Variants in PITPNC1 observed in about 807,000 individuals in gnomAD.
PITPNC1 encodes the protein phosphatidylinositol transfer protein cytoplasmic 1.
PITPNC1 carries 18 observed loss-of-function variants against 44.7 expected under a neutral mutation model. The observed-to-expected ratio is 0.40, with a 90% CI of 0.28 to 0.60. PITPNC1 has a LOEUF of 0.60. PITPNC1 is among the 20% of genes least tolerant of loss of function. PITPNC1 has a pLI of 0.39. For synonymous variants in PITPNC1, 141 were observed against 149.6 expected (o/e 0.94, Z 0.42); for missense variants, 290 against 418.4 (o/e 0.69, Z 2.68).
chr17:67,428,677 A>G (rs1296782675), intron 1 of PITPNC1, among the ~76,000 whole-genome samples: 1 of 152,174 alleles, frequency 6.6e-6, no homozygotes, highest in Non-Finnish European at 1.5e-5. Flanking sequence ...AATAATGAAT[A>G]TGTACTACTC....
chr17:67,433,335 C>T (rs988086795), intron 1 of PITPNC1, among the ~76,000 whole-genome samples: 39 of 152,106 alleles, frequency 2.6e-4, no homozygotes, highest in Non-Finnish European at 4.7e-4. Context: ...CCTGGGCGGG[C>T]GGGTAAGGCT....
intron 5 of PITPNC1, among the ~76,000 whole-genome samples, chr17:67,595,101 T>C (rs1012925418): frequency 6.6e-6 from 1 of 152,234 alleles, no homozygotes; most frequent in African/African-American, 2.4e-5. Context: ...CAGCATGATA[T>C]CTCCTTTTGC....
intron 1 of PITPNC1, among the ~76,000 whole-genome samples, chr17:67,409,987 G>A (rs541391741): frequency 1.2e-4 from 18 of 152,290 alleles, no homozygotes; most frequent in South Asian, 2.1e-4. Context: ...TTGAACGTGC[G>A]TGCGTGAGTT....
chr17:67,569,480 G>T (rs1283246496), intron 4 of PITPNC1, among the ~76,000 whole-genome samples: 1 of 152,186 alleles, frequency 6.6e-6, no homozygotes, highest in Admixed American at 6.5e-5. Flanking sequence ...ACAAGTAGCT[G>T]CATTTAAATG....
At chr17:67,431,422 G>C (rs1438735846) in intron 1 of PITPNC1, among the ~76,000 whole-genome samples, 1 of 152,040 alleles carries the variant, frequency 6.6e-6, no homozygotes, top group African/African-American at 2.4e-5. Flanking sequence ...TTACCGCTGA[G>C]TCAGCCTCTG....
At chr17:67,530,797 A>G (rs1428111783) in intron 1 of PITPNC1, among the ~76,000 whole-genome samples, 2 of 152,194 alleles carry the variant, frequency 1.3e-5, no homozygotes, top group African/African-American at 4.8e-5. Flanking sequence ...TGGCATATTG[A>G]TCTCACAGGT....
At chr17:67,395,470 A>G (rs1044717278) in intron 1 of PITPNC1, among the ~76,000 whole-genome samples, 1 of 150,690 alleles carries the variant, frequency 6.6e-6, no homozygotes, top group Non-Finnish European at 1.5e-5. Flanking sequence ...TTTTGAAAAC[A>G]GGGGTTATCA....
chr17:67,632,947 A>C (rs1057049466), intron 6 of PITPNC1, among the ~76,000 whole-genome samples: 1 of 152,182 alleles, frequency 6.6e-6, no homozygotes, highest in East Asian at 1.9e-4. Flanking sequence ...AAGCACCTTA[A>C]TGAGGACATC....
intron 5 of PITPNC1, among the ~76,000 whole-genome samples, chr17:67,606,559 G>A (rs977473315): frequency 6.6e-6 from 1 of 152,366 alleles, no homozygotes; most frequent in South Asian, 2.1e-4. Context: ...GAGGCGTAAA[G>A]TGAGGACCCT....
chr17:67,450,144 A>G (rs1309311436), intron 1 of PITPNC1, among the ~76,000 whole-genome samples: 2 of 152,238 alleles, frequency 1.3e-5, no homozygotes, highest in African/African-American at 4.8e-5. Context: ...GTTTGCTCTT[A>G]TGATTTAGAA....
chr17:67,456,734 G>A (rs1489365473), intron 1 of PITPNC1, among the ~76,000 whole-genome samples: 1 of 151,968 alleles, frequency 6.6e-6, no homozygotes, highest in African/African-American at 2.4e-5. Flanking sequence ...AGCCCAAACT[G>A]TATATATTTT....
chr17:67,640,844 G>C (rs747700704), intron 6 of PITPNC1, among the ~76,000 whole-genome samples: 24 of 151,980 alleles, frequency 1.6e-4, no homozygotes, highest in Middle Eastern at 6.8e-3. Context: ...CAAAAAATTA[G>C]CCGGGTGTGG....
chr17:67,469,618 C>T (rs1422490830), intron 1 of PITPNC1, among the ~76,000 whole-genome samples: 2 of 152,104 alleles, frequency 1.3e-5, no homozygotes, highest in Non-Finnish European at 2.9e-5. Flanking sequence ...AGTTCAGGTG[C>T]GGGTCATCAG....
chr17:67,442,782 A>C (rs1452809429), intron 1 of PITPNC1, among the ~76,000 whole-genome samples: 3 of 151,890 alleles, frequency 2.0e-5, no homozygotes, highest in African/African-American at 7.2e-5. Context: ...TTGAACCAGG[A>C]GACGAAGGGT....
chr17:67,655,752 A>G (rs1226174448), intron 6 of PITPNC1, among the ~76,000 whole-genome samples: 1 of 151,940 alleles, frequency 6.6e-6, no homozygotes, highest in Non-Finnish European at 1.5e-5. Flanking sequence ...TGGGCAACAT[A>G]ATGAGACCTC....
At chr17:67,429,261 A>G (rs2038820545) in intron 1 of PITPNC1, among the ~76,000 whole-genome samples, 1 of 152,252 alleles carries the variant, frequency 6.6e-6, no homozygotes, top group African/African-American at 2.4e-5. Flanking sequence ...AAATGATTTC[A>G]TGAACCACTG....
chr17:67,530,456 C>G (rs2364390), intron 1 of PITPNC1, among the ~76,000 whole-genome samples: 82,795 of 151,802 alleles, frequency 0.55, 23,094 homozygotes, highest in East Asian at 0.75. Flanking sequence ...TGCCTGTGTC[C>G]CTGTCTAAGT....
intron 1 of PITPNC1, among the ~76,000 whole-genome samples, chr17:67,465,904 C>G (rs1330279565): frequency 6.6e-6 from 1 of 151,700 alleles, no homozygotes; most frequent in Non-Finnish European, 1.5e-5. Context: ...GATGGTAGGG[C>G]GGGGGTAAAT....
intron 5 of PITPNC1, among the ~76,000 whole-genome samples, chr17:67,618,230 T>C (rs1293166933): frequency 6.6e-6 from 1 of 151,864 alleles, no homozygotes; most frequent in Non-Finnish European, 1.5e-5. Context: ...CTGGGCGTGA[T>C]GGTGCACACC....
Sources: allele counts gnomAD v4.1 joint callset (sites outside exome capture counted in the v4.1 genomes callset), GRCh38; gene constraint gnomAD v4.1.1; transcripts MANE v1.5; gene names NCBI Gene and HGNC (gene_info 2026-07-23, HGNC 2026-07-21).